Variants in GPR158 observed in about 807,000 individuals in gnomAD.
GPR158 encodes metabotropic glycine receptor.
A neutral mutation model predicts 78.2 loss-of-function variants in GPR158; 30 were observed. That is an observed-to-expected ratio of 0.38 (90% CI 0.29 to 0.52). The LOEUF (loss-of-function observed/expected upper bound fraction) is 0.52. GPR158 is among the 20% of genes least tolerant of loss of function. GPR158 has a pLI of 0.83. For synonymous variants in GPR158, 581 were observed against 591.1 expected, an observed-to-expected ratio of 0.98 and a Z score of 0.25; for missense variants, 1,463 against 1,523.5, an observed-to-expected ratio of 0.96 and a Z score of 0.66.
At chr10:25,342,186 T>TA (rs1855312510) in intron 2 of GPR158, among the ~76,000 whole-genome samples, 1 of 152,122 alleles carries the variant, frequency 6.6e-6, no homozygotes, top group South Asian at 2.1e-4. Flanking sequence ...ACTTTAATCA[T>TA]TAAGCCCTGA....
At position 25,175,931 on chromosome 10, in the gene GPR158, A is replaced by G; in HGVS notation, c.511A>G (p.Ile171Val). The G allele has an allele frequency of 6.2e-7, 1 of 1,613,604 alleles. No individual in the cohort carries two copies. Among genetic ancestry groups the G allele is most frequent in the Non-Finnish European group, 8.5e-7 (1 of 1,179,988 alleles). Residue 171 changes from isoleucine to valine, a missense_variant, in exon 1 of 11, where the codon ATC (isoleucine) becomes GTC (valine). Ile to Val is a conservative substitution (Grantham distance 29, BLOSUM62 3). Transcript: ENST00000376351. The surrounding 1 kb of genome is among the most constrained non-coding windows in gnomAD (Gnocchi z 6.4). ...VWSLLEGEPS[I>V]SRAAITFSTD... ...GAGCCTTCTGGAGGGCGAGCCCAGC[A>G]TCTCCCGGGCGGCCATCACCTTCAG...
At chr10:25,571,108 C>T (rs1161918151) in intron 6 of GPR158, among the ~76,000 whole-genome samples, 1 of 90,064 alleles carries the variant, frequency 1.1e-5, no homozygotes, top group Admixed American at 9.2e-5. Flanking sequence ...TGTTAGCGTT[C>T]GCCAGTGTTA....
chr10:25,299,363 ATGTT>A, intron 2 of GPR158, among the ~76,000 whole-genome samples: 1 of 152,230 alleles, frequency 6.6e-6, no homozygotes, highest in Middle Eastern at 3.4e-3. Flanking sequence ...GAAAAACTGT[ATGTT>A]TGTACACTTT....
intron 1 of GPR158, among the ~76,000 whole-genome samples, chr10:25,180,224 G>A (rs138542639): frequency 1.3e-5 from 2 of 152,218 alleles, no homozygotes; most frequent in African/African-American, 4.8e-5. Context: ...TGTGGTGGGT[G>A]GGAATTAAGG....
At chr10:25,342,108 TCCTTGGTTATTTAAC>T (rs1232703606) in intron 2 of GPR158, among the ~76,000 whole-genome samples, 1 of 152,064 alleles carries the variant, frequency 6.6e-6, no homozygotes, top group Non-Finnish European at 1.5e-5. Context: ...TTTATTTTGT[TCCTTGGTTATTTAAC>T]CCTCTAAAAG....
chr10:25,550,276 A>T (rs1283736769), intron 5 of GPR158, among the ~76,000 whole-genome samples: 1 of 152,062 alleles, frequency 6.6e-6, no homozygotes, highest in Non-Finnish European at 1.5e-5. Context: ...TATCAGCAGC[A>T]CCTAGCACAG....
Position 25,551,007 on chromosome 10 carries a change from T to C in GPR158, c.1436T>C (p.Phe479Ser). ...ATTTTGTACTTTGAGCCAAGCACAT[T>C]TCGCTGTATTCTCCTAAGATGGGCT... Reference protein sequence around the residue: ...VVILYFEPSTFRCILLRWARL... With the variant: ...VVILYFEPSTSRCILLRWARL... Residue 479 changes from phenylalanine to serine, a missense_variant, in exon 6 of 11, where the codon TTT (phenylalanine) becomes TCT (serine). Transcript: ENST00000376351. 6.2e-7 allele frequency: 1 copy of C among 1,609,332 alleles called. No homozygotes were observed. The highest frequency in any genetic ancestry group is 8.5e-7 in the Non-Finnish European group (1 of 1,175,734).
chr10:25,485,965 C>T (rs1466114943), intron 5 of GPR158, among the ~76,000 whole-genome samples: 2 of 152,020 alleles, frequency 1.3e-5, no homozygotes, highest in Non-Finnish European at 2.9e-5. Context: ...TAAAAGAGGC[C>T]TGAAAGAGAC....
intron 2 of GPR158, among the ~76,000 whole-genome samples, chr10:25,281,323 G>A (rs1431182178): frequency 2.0e-5 from 3 of 150,978 alleles, no homozygotes; most frequent in African/African-American, 7.3e-5. Context: ...CAGCACCTTG[G>A]GAGGCCAAGG....
At chr10:25,389,361 CCA>C (rs1834263264) in intron 2 of GPR158, among the ~76,000 whole-genome samples, 7 of 152,246 alleles carry the variant, frequency 4.6e-5, no homozygotes, top group Admixed American at 2.0e-4. Flanking sequence ...GATGGGACAT[CCA>C]TTTGCAGAAA....
intron 4 of GPR158, among the ~76,000 whole-genome samples, chr10:25,456,204 G>A (rs1835289257): frequency 6.6e-6 from 1 of 151,996 alleles, no homozygotes; most frequent in African/African-American, 2.4e-5. Context: ...TCATGTTTTT[G>A]TTCGTTTTCT....
chr10:25,338,368 ACTATAT>A (rs1048228613), intron 2 of GPR158, among the ~76,000 whole-genome samples: 53 of 145,492 alleles, frequency 3.6e-4, no homozygotes, highest in African/African-American at 1.2e-3. Context: ...AAATCTGATG[ACTATAT>A]CTATATATCT....
chr10:25,233,101 G>C (rs4625361), intron 2 of GPR158, among the ~76,000 whole-genome samples: 33 of 152,306 alleles, frequency 2.2e-4, no homozygotes, highest in African/African-American at 6.7e-4. Flanking sequence ...CCATTTAGTG[G>C]GATAAACATG....
At chr10:25,421,976 A>G (rs1291908844) in intron 4 of GPR158, among the ~76,000 whole-genome samples, 1 of 152,144 alleles carries the variant, frequency 6.6e-6, no homozygotes, top group Non-Finnish European at 1.5e-5. Flanking sequence ...GGACCTTTCT[A>G]ACTGTAATTT....
chr10:25,581,218 G>A lies in GPR158; in HGVS notation c.1754-7789G>A, dbSNP rs374012865. ...GCTGGGATTACAGGCTTGAGCCACC[G>A]CGCCCGGCGCTAATTTTTAAAACAT... On this transcript the variant is annotated intron_variant, in intron 7 of 10. Coordinates refer to ENST00000376351, the MANE Select transcript of GPR158 (RefSeq NM_020752.3). Among the ~76,000 whole-genome samples, 34 of 152,082 alleles carry A rather than the reference G, an allele frequency of 2.2e-4. No homozygotes were observed. In the East Asian group the frequency reaches 3.3e-3, roughly 15 times the overall value.
intron 2 of GPR158, among the ~76,000 whole-genome samples, chr10:25,307,505 TC>T (rs1445909750): frequency 5.3e-5 from 8 of 150,768 alleles, no homozygotes; most frequent in African/African-American, 1.9e-4. Context: ...TGCCTCAGTC[TC>T]CCAAGTAGCT....
At chr10:25,270,309 G>A (rs1013576514) in intron 2 of GPR158, among the ~76,000 whole-genome samples, 2 of 152,142 alleles carry the variant, frequency 1.3e-5, no homozygotes, top group Non-Finnish European at 1.5e-5. Flanking sequence ...ATGGTCTTCT[G>A]TTTCACCTGA....
rs540619417 is a variant in GPR158 at position 25,248,456 on chromosome 10, T to A, written c.1008+27299T>A. Among the ~76,000 whole-genome samples, 521 of 151,714 alleles carry A rather than the reference T, an allele frequency of 3.4e-3. 3 individuals are homozygous for A. The highest frequency in any genetic ancestry group is 0.012 in the African/African-American group (508 of 41,448). On this transcript the variant is annotated intron_variant, in intron 2 of 10. Transcript: ENST00000376351. ...GGTTTTTATGGTTTTAGGTCTAACA[T>A]TTAAATCTTTAATCCATCTTGAATT...
chr10:25,503,291 T>G (rs1017014125), intron 5 of GPR158, among the ~76,000 whole-genome samples: 1 of 152,172 alleles, frequency 6.6e-6, no homozygotes, highest in South Asian at 2.1e-4. Context: ...CTGGGAAGAT[T>G]GCTTGAGTCC....
Sources: gnomAD v4.1 joint callset for allele counts (sites outside exome capture counted in the v4.1 genomes callset) on GRCh38, gnomAD v4.1.1 for gene constraint, Gnocchi (gnomAD v3.1) non-coding constraint, MANE v1.5 for transcripts, NCBI Gene and HGNC (gene_info 2026-07-23, HGNC 2026-07-21) for gene names.